Variants in AUTS2 observed in about 807,000 individuals in gnomAD.
AUTS2 encodes activator of transcription and developmental regulator AUTS2, also known as autism susceptibility gene 2 protein.
A neutral mutation model predicts 112.4 loss-of-function variants in AUTS2; 17 were observed. The ratio of observed to expected loss-of-function variants is 0.15; its 90% CI spans 0.10 to 0.23. AUTS2 has a LOEUF of 0.23. Ranked by LOEUF, AUTS2 falls within the 10% of genes least tolerant of loss-of-function variation. AUTS2 has a pLI of 1.00. For synonymous variants in AUTS2, 751 were observed against 702.7 expected (o/e 1.07, Z -1.09); for missense variants, 1,510 against 1,701.6 (o/e 0.89, Z 1.98).
At chr7:70,271,851 T>C (rs1787708103) in intron 4 of AUTS2, among the ~76,000 whole-genome samples, 1 of 152,250 alleles carries the variant, frequency 6.6e-6, no homozygotes, top group Non-Finnish European at 1.5e-5. Flanking sequence ...ATCTGCCGCA[T>C]ATTGTTAAAT....
At chr7:70,448,091 T>C (rs1420699141) in intron 5 of AUTS2, among the ~76,000 whole-genome samples, 3 of 152,192 alleles carry the variant, frequency 2.0e-5, no homozygotes, top group Admixed American at 6.5e-5. Flanking sequence ...AGATTCCATA[T>C]TGGTGGATTC....
At chr7:69,899,843 A>G (rs898991736) in intron 2 of AUTS2, among the ~76,000 whole-genome samples, 3 of 152,240 alleles carry the variant, frequency 2.0e-5, no homozygotes, top group African/African-American at 7.2e-5. Context: ...TAAATGGAAC[A>G]GGTGGATTTC....
chr7:69,891,123 C>G (rs1376712262), intron 1 of AUTS2, among the ~76,000 whole-genome samples: 3 of 152,166 alleles, frequency 2.0e-5, no homozygotes, highest in African/African-American at 7.2e-5. Flanking sequence ...TTCCTTATGT[C>G]CCTTTATAAT....
At chr7:70,649,474 T>C (rs983216885) in intron 5 of AUTS2, among the ~76,000 whole-genome samples, 4 of 152,090 alleles carry the variant, frequency 2.6e-5, no homozygotes, top group Non-Finnish European at 1.5e-5. Flanking sequence ...CAGGATTTAA[T>C]CTCAGAGTGT....
chr7:70,469,648 T>C (rs1797301247), intron 5 of AUTS2, among the ~76,000 whole-genome samples: 1 of 152,196 alleles, frequency 6.6e-6, no homozygotes, highest in Non-Finnish European at 1.5e-5. Context: ...TGTTTTGTTT[T>C]CTTTTTAATT....
chr7:70,666,465 C>G (rs117941039), intron 5 of AUTS2, among the ~76,000 whole-genome samples: 1 of 152,108 alleles, frequency 6.6e-6, no homozygotes, highest in Non-Finnish European at 1.5e-5. Flanking sequence ...GTTGTTTCCA[C>G]GACTGGAAGA....
intron 17 of AUTS2, among the ~76,000 whole-genome samples, chr7:70,786,344 G>A (rs759342794): frequency 6.6e-6 from 1 of 152,186 alleles, no homozygotes; most frequent in African/African-American, 2.4e-5. Context: ...CAAGATTTTG[G>A]CTGCAGCTCA....
At chr7:69,801,213 A>C (rs1449823631) in intron 1 of AUTS2, among the ~76,000 whole-genome samples, 2 of 150,162 alleles carry the variant, frequency 1.3e-5, no homozygotes, top group African/African-American at 4.9e-5. Flanking sequence ...TAATGGGGTG[A>C]CTGGCAGGGA....
intron 6 of AUTS2, among the ~76,000 whole-genome samples, chr7:70,726,964 G>A (rs1156237002): frequency 2.6e-5 from 4 of 152,286 alleles, no homozygotes; most frequent in East Asian, 1.9e-4. Flanking sequence ...AAAGGCAGAC[G>A]CTAGTGAAGA....
At chr7:69,757,268 CAGA>C (rs981517983) in intron 1 of AUTS2, among the ~76,000 whole-genome samples, 4 of 152,252 alleles carry the variant, frequency 2.6e-5, no homozygotes, top group African/African-American at 9.6e-5. Flanking sequence ...CATGATTGAT[CAGA>C]AGAAGTTAGA....
intron 1 of AUTS2, among the ~76,000 whole-genome samples, chr7:69,879,980 A>G (rs1793972635): frequency 6.6e-6 from 1 of 152,192 alleles, no homozygotes; most frequent in South Asian, 2.1e-4. Flanking sequence ...CCAGTGTATT[A>G]GTCCATTCTT....
chr7:69,969,579 A>C (rs1252165113), intron 2 of AUTS2, among the ~76,000 whole-genome samples: 1 of 152,188 alleles, frequency 6.6e-6, no homozygotes, highest in Non-Finnish European at 1.5e-5. Context: ...TTGTTTTCCA[A>C]AACTCATCAA....
At chr7:69,952,614 G>T (rs1437892054) in intron 2 of AUTS2, among the ~76,000 whole-genome samples, 2 of 152,156 alleles carry the variant, frequency 1.3e-5, no homozygotes, top group Non-Finnish European at 2.9e-5. Context: ...TATCAGAACT[G>T]TAGCATTGGA....
At chr7:70,039,350 TTTGTTG>T (rs142049425) in intron 2 of AUTS2, among the ~76,000 whole-genome samples, 7,620 of 151,918 alleles carry the variant, frequency 0.05, 627 homozygotes, top group African/African-American at 0.18. Flanking sequence ...AGTTTGGGTT[TTTGTTG>T]TTGTTGTTGT....
intron 4 of AUTS2, among the ~76,000 whole-genome samples, chr7:70,227,811 A>C (rs994542294): frequency 6.6e-6 from 1 of 152,208 alleles, no homozygotes; most frequent in Admixed American, 6.5e-5. Context: ...TTTATGTGAT[A>C]TTAGTCATTT....
intron 5 of AUTS2, among the ~76,000 whole-genome samples, chr7:70,516,433 G>A (rs905159202): frequency 1.3e-5 from 2 of 152,142 alleles, no homozygotes; most frequent in African/African-American, 4.8e-5. Context: ...TTAAGATTTC[G>A]GAGGTTCTTG....
intron 4 of AUTS2, among the ~76,000 whole-genome samples, chr7:70,208,677 A>G (rs1374289424): frequency 6.6e-6 from 1 of 152,084 alleles, no homozygotes; most frequent in Non-Finnish European, 1.5e-5. Flanking sequence ...GATACTTGTG[A>G]GGCTATGGAG....
At chr7:70,643,153 G>A (rs117952356) in intron 5 of AUTS2, among the ~76,000 whole-genome samples, 42 of 152,260 alleles carry the variant, frequency 2.8e-4, no homozygotes, top group South Asian at 6.2e-4. Context: ...GATGGCTCTC[G>A]CCACTTTTGC....
At chr7:70,181,954 C>G (rs62458806) in intron 4 of AUTS2, among the ~76,000 whole-genome samples, 1 of 151,736 alleles carries the variant, frequency 6.6e-6, no homozygotes, top group East Asian at 1.9e-4. Context: ...CCCGCCACCA[C>G]GCCTGGCTAA....
Sources: gnomAD v4.1 joint callset for allele counts (sites outside exome capture counted in the v4.1 genomes callset) on GRCh38, gnomAD v4.1.1 for gene constraint, MANE v1.5 for transcripts, NCBI Gene and HGNC (gene_info 2026-07-23, HGNC 2026-07-21) for gene names.